Variants in PDK3 observed in about 807,000 individuals in gnomAD.
The protein encoded by PDK3 is pyruvate dehydrogenase kinase, isozyme 3.
In PDK3, 12 loss-of-function variants were observed where a neutral mutation model predicts 32.0. That is an observed-to-expected ratio of 0.37 (90% CI 0.24 to 0.61). The LOEUF (loss-of-function observed/expected upper bound fraction) is 0.61. Ranked by LOEUF, PDK3 falls within the 20% of genes least tolerant of loss-of-function variation. PDK3 has a pLI of 0.65. For synonymous variants in PDK3, 122 were observed against 116.3 expected (o/e 1.05, Z -0.31); for missense variants, 188 against 316.9 (o/e 0.59, Z 3.09).
At chrX:24,546,943 T>G (rs1923009460) in exon 12 of PDK3, 2 of 112,771 alleles carry the variant, frequency 1.8e-5, no homozygotes, top group African/African-American at 6.4e-5. Flanking sequence ...TATCTTGCCT[T>G]AATATCCTTA....
downstream of PDK3, among the ~76,000 whole-genome samples, chrX:24,536,524 A>T (rs150253383): frequency 0.046 from 5,124 of 111,620 alleles, 290 homozygotes; most frequent in African/African-American, 0.16. Context: ...ATTCCCTTCA[A>T]GTTACCAATT....
exon 12 of PDK3, chrX:24,549,553 C>T (rs762415126): frequency 8.9e-6 from 1 of 111,826 alleles, no homozygotes; most frequent in East Asian, 2.8e-4. Flanking sequence ...TTGTGCTGCT[C>T]TGTTCTCATT....
intron 1 of PDK3, among the ~76,000 whole-genome samples, chrX:24,492,357 G>A (rs1206069095): frequency 2.7e-5 from 3 of 111,241 alleles, no homozygotes; most frequent in African/African-American, 9.8e-5. Context: ...GGGAGGCCAA[G>A]GTGGGTGGAT....
chrX:24,527,019 G>T (rs1854513360), intron 7 of PDK3, among the ~76,000 whole-genome samples: 1 of 112,287 alleles, frequency 8.9e-6, no homozygotes, highest in Admixed American at 9.5e-5. Context: ...AGGTTGAAAT[G>T]GGCATTCAAT....
rs762305521 is a variant in PDK3, at chrX:24,526,294, C to T, written c.750+20C>T. 6.8e-6 allele frequency: 7 copies of T among 1,027,291 alleles called. No homozygotes were observed. Among genetic ancestry groups the T allele is most frequent in the Middle Eastern group, 2.6e-4 (1 of 3,913 alleles). 84.7% of individuals were successfully genotyped at this position (1,027,291 alleles called of 1,213,427 possible). A position where few individuals can be genotyped will look rare whatever the true frequency, so the allele number is the denominator to read the frequency against. On this transcript the variant is annotated intron_variant, in intron 7 of 10. Transcript: ENST00000379162. Reference sequence around the variant, plus strand: ...TTCAAGGTAAGTGGAATTTTAAAAACGTGGAAAGAAGTCTTCATTTTAAAT... The same window carrying T: ...TTCAAGGTAAGTGGAATTTTAAAAATGTGGAAAGAAGTCTTCATTTTAAAT...
At chrX:24,514,657 A>T (rs1051402651) in intron 5 of PDK3, among the ~76,000 whole-genome samples, 8 of 111,720 alleles carry the variant, frequency 7.2e-5, no homozygotes, top group Non-Finnish European at 1.3e-4. Flanking sequence ...TTTTTATGTT[A>T]AATTATTTTA....
intron 5 of PDK3, among the ~76,000 whole-genome samples, chrX:24,510,468 G>T (rs1420255356): frequency 8.9e-6 from 1 of 112,335 alleles, no homozygotes; most frequent in Non-Finnish European, 1.9e-5. Flanking sequence ...AGAGAGAAGA[G>T]AATAAAAATT....
chrX:24,494,942 C>T (rs1355187800), intron 2 of PDK3, 59 bp downstream of exon 2: 21 of 1,029,436 alleles, frequency 2.0e-5, no homozygotes, highest in Non-Finnish European at 2.8e-5. Context: ...CATTTGGCAG[C>T]GAGACCATTC....
chrX:24,481,208 T>G (rs1286816785), intron 1 of PDK3, among the ~76,000 whole-genome samples: 1 of 110,849 alleles, frequency 9.0e-6, no homozygotes, highest in African/African-American at 3.3e-5. Context: ...TGCACGCGGC[T>G]AATTTTTTGT....
chrX:24,545,482 G>T (rs1922977640), exon 12 of PDK3: 2 of 111,681 alleles, frequency 1.8e-5, no homozygotes, highest in African/African-American at 6.5e-5. Flanking sequence ...AAGCCTCTTT[G>T]CCTCAGTGGT....
chrX:24,518,845 A>G lies in PDK3; in HGVS notation c.596-88A>G, dbSNP rs1479512697. On this transcript the variant is annotated intron_variant, in intron 5 of 10. Transcript: ENST00000379162. ...TATATACATGCACATGTGCACACAC[A>G]CACACACACACACACACACACACAC... 2.7e-4 allele frequency: 40 copies of G among 149,327 alleles called. No individual in the cohort carries two copies. In the Admixed American group the frequency reaches 2.8e-3, roughly 10 times the overall value. 12.3% of individuals were successfully genotyped at this position (149,327 alleles called of 1,213,427 possible).
At chrX:24,521,656 G>A (rs1922400465) in intron 6 of PDK3, among the ~76,000 whole-genome samples, 1 of 111,669 alleles carries the variant, frequency 9.0e-6, no homozygotes, top group South Asian at 3.8e-4. Flanking sequence ...AAAGGCCAAA[G>A]CAGCAGGCCT....
chrX:24,521,029 A>C (rs969019266), intron 6 of PDK3, among the ~76,000 whole-genome samples: 1 of 111,430 alleles, frequency 9.0e-6, no homozygotes, highest in South Asian at 3.8e-4. Flanking sequence ...CTGTAATCCC[A>C]GCACTTTGGG....
intron 6 of PDK3, 130 bp downstream of exon 6, chrX:24,519,140 TC>T (rs746178165): frequency 2.7e-5 from 12 of 443,934 alleles, no homozygotes; most frequent in Admixed American, 4.4e-5. Context: ...TTTAAAACTT[TC>T]TACGCTTTTG....
At chrX:24,473,406 AACC>A (rs1393999181) in intron 1 of PDK3, among the ~76,000 whole-genome samples, 1 of 108,830 alleles carries the variant, frequency 9.2e-6, no homozygotes, top group Non-Finnish European at 1.9e-5. Flanking sequence ...AAAACAAAAA[AACC>A]AACCACACAT....
chrX:24,506,801 CTTTTTTTTTTTT>C (rs10682263), intron 5 of PDK3, among the ~76,000 whole-genome samples: 307 of 49,486 alleles, frequency 6.2e-3, no homozygotes, highest in Middle Eastern at 0.025. Context: ...TTTTTTCTTT[CTTTTTTTTTTTT>C]TTTTTTTTTT....
At chrX:24,507,030 C>G (rs1051221995) in intron 5 of PDK3, among the ~76,000 whole-genome samples, 1 of 109,715 alleles carries the variant, frequency 9.1e-6, no homozygotes, top group Non-Finnish European at 1.9e-5. Context: ...AGGATGGTCT[C>G]GAACTCCTGA....
Position 24,490,347 on chromosome X carries a change from G to T in PDK3, c.107-4395G>T, listed in dbSNP as rs182183254. Among the ~76,000 whole-genome samples, 406 of 111,016 alleles carry T rather than the reference G, an allele frequency of 3.7e-3. 1 individual carries two copies. Among genetic ancestry groups the T allele is most frequent in the African/African-American group, 0.012 (360 of 30,515 alleles). On this transcript the variant is annotated intron_variant, in intron 1 of 10. Coordinates refer to ENST00000379162, the MANE Select transcript of PDK3 (RefSeq NM_005391.5). Reference sequence around the variant, plus strand: ...AGATACTGCTCTTTTTTTATAGGTGGTTACAATGAAGTTTAGAAGTGTAAA... The same window carrying T: ...AGATACTGCTCTTTTTTTATAGGTGTTTACAATGAAGTTTAGAAGTGTAAA...
chrX:24,465,311 TGCG>T lies in PDK3; in HGVS notation c.-139_-137del. On this transcript the variant is annotated 5_prime_UTR_variant, in exon 1 of 11. Coordinates refer to ENST00000379162, the MANE Select transcript of PDK3 (RefSeq NM_005391.5). ...GCTGTCCTGGAGCTGCTGCTGCTGC[TGCG>T]GCGGCTGCACCGGCGGCGCCGAGGC... The T allele has an allele frequency of 2.8e-6, 1 of 357,102 alleles. No individual in the cohort carries two copies. The highest frequency in any genetic ancestry group is 6.0e-5 in the South Asian group (1 of 16,567). 29.4% of individuals were successfully genotyped at this position (357,102 alleles called of 1,213,427 possible).
Sources: allele counts gnomAD v4.1 joint callset (sites outside exome capture counted in the v4.1 genomes callset), GRCh38; gene constraint gnomAD v4.1.1; transcripts MANE v1.5; gene names NCBI Gene and HGNC (gene_info 2026-07-23, HGNC 2026-07-21).